Variants in VWC2L observed in about 807,000 individuals in gnomAD.
VWC2L encodes von Willebrand factor C domain-containing protein 2-like.
A neutral mutation model predicts 21.6 loss-of-function variants in VWC2L; 10 were observed. The ratio of observed to expected loss-of-function variants is 0.46; its 90% CI spans 0.29 to 0.78. VWC2L has a LOEUF of 0.78. Among genes scored for constraint, VWC2L ranks in the 30% least tolerant of loss-of-function variants. The pLI is 0.10. For missense variants in VWC2L, 209 were observed against 277.1 expected, an observed-to-expected ratio of 0.75 and a Z score of 1.74; for synonymous variants, 96 against 94.3, an observed-to-expected ratio of 1.02 and a Z score of -0.10.
intron 3 of VWC2L, among the ~76,000 whole-genome samples, chr2:214,445,923 C>T (rs1240091783): frequency 6.6e-6 from 1 of 152,122 alleles, no homozygotes; most frequent in Non-Finnish European, 1.5e-5. Context: ...CTTGACTTTT[C>T]AACACCTTTA....
chr2:214,492,349 A>G (rs955513565), intron 3 of VWC2L, among the ~76,000 whole-genome samples: 1 of 152,220 alleles, frequency 6.6e-6, no homozygotes, highest in East Asian at 1.9e-4. Context: ...AGAACTCCAC[A>G]GTTCATCAAC....
intron 2 of VWC2L, among the ~76,000 whole-genome samples, chr2:214,425,893 C>T (rs570452084): frequency 3.0e-4 from 46 of 152,082 alleles, no homozygotes; most frequent in East Asian, 2.3e-3. Flanking sequence ...GAATTCAGAT[C>T]GGGCACGGTG....
chr2:214,531,697 C>G (rs778252817), intron 3 of VWC2L, among the ~76,000 whole-genome samples: 2 of 152,132 alleles, frequency 1.3e-5, no homozygotes, highest in African/African-American at 2.4e-5. Context: ...AAAGCAATTT[C>G]TCATGTGACT....
chr2:214,568,614 A>G (rs1023044100), intron 3 of VWC2L, among the ~76,000 whole-genome samples: 3 of 152,062 alleles, frequency 2.0e-5, no homozygotes, highest in Non-Finnish European at 4.4e-5. Flanking sequence ...CTTTTTTAAA[A>G]CCATGAGATC....
At chr2:214,479,012 C>G (rs922337009) in intron 3 of VWC2L, among the ~76,000 whole-genome samples, 2 of 152,168 alleles carry the variant, frequency 1.3e-5, no homozygotes, top group Non-Finnish European at 2.9e-5. Context: ...CATGAGGGTT[C>G]AGGCAGAACA....
chr2:214,485,024 A>G (rs1183069845), intron 3 of VWC2L, among the ~76,000 whole-genome samples: 2 of 152,176 alleles, frequency 1.3e-5, no homozygotes, highest in Non-Finnish European at 2.9e-5. Context: ...TACCTTTAGA[A>G]GTCTGTATCT....
intron 2 of VWC2L, among the ~76,000 whole-genome samples, chr2:214,420,147 A>C (rs1335433745): frequency 6.6e-6 from 1 of 152,210 alleles, no homozygotes; most frequent in Non-Finnish European, 1.5e-5. Flanking sequence ...TGGATTTAGA[A>C]TTGATTTGCC....
chr2:214,486,312 T>C (rs1386014560), intron 3 of VWC2L, among the ~76,000 whole-genome samples: 3 of 152,242 alleles, frequency 2.0e-5, no homozygotes, highest in Non-Finnish European at 4.4e-5. Context: ...GAGTCCCGTA[T>C]TTATTGCTTA....
chr2:214,447,566 T>C (rs1702857080), intron 3 of VWC2L, among the ~76,000 whole-genome samples: 1 of 152,100 alleles, frequency 6.6e-6, no homozygotes, highest in Non-Finnish European at 1.5e-5. Context: ...CCCACCACCA[T>C]ACCCTGAACT....
intron 3 of VWC2L, among the ~76,000 whole-genome samples, chr2:214,560,440 T>C (rs966164330): frequency 5.9e-5 from 9 of 152,196 alleles, no homozygotes. Context: ...CCATGTCCCT[T>C]TCCCTGAGTG....
chr2:214,569,845 T>G (rs142249188), intron 3 of VWC2L, among the ~76,000 whole-genome samples: 1 of 152,276 alleles, frequency 6.6e-6, no homozygotes, highest in Non-Finnish European at 1.5e-5. Context: ...CTCCCCTTAA[T>G]GCAATCATGT....
At chr2:214,443,308 G>A (rs1702789398) in intron 3 of VWC2L, among the ~76,000 whole-genome samples, 1 of 152,030 alleles carries the variant, frequency 6.6e-6, no homozygotes, top group Admixed American at 6.6e-5. Context: ...GGAGGCAGAG[G>A]TTGCAGTGAG....
chr2:214,438,136 C>T (rs1307775387), intron 3 of VWC2L, among the ~76,000 whole-genome samples: 1 of 151,690 alleles, frequency 6.6e-6, no homozygotes, highest in African/African-American at 2.4e-5. Context: ...GGAAAAGATA[C>T]AAGAAAGAAC....
At chr2:214,480,951 C>T (rs539243522) in intron 3 of VWC2L, among the ~76,000 whole-genome samples, 1 of 148,100 alleles carries the variant, frequency 6.8e-6, no homozygotes, top group East Asian at 2.0e-4. Context: ...GTAATCTCTG[C>T]TGCAAAAGAT....
chr2:214,534,452 C>T (rs1689492736), intron 3 of VWC2L, among the ~76,000 whole-genome samples: 1 of 152,016 alleles, frequency 6.6e-6, no homozygotes, highest in Non-Finnish European at 1.5e-5. Context: ...TTTGCAAGCA[C>T]CTTCCACTTT....
chr2:214,504,866 T>C (rs1467244160), intron 3 of VWC2L, among the ~76,000 whole-genome samples: 1 of 152,190 alleles, frequency 6.6e-6, no homozygotes, highest in Non-Finnish European at 1.5e-5. Context: ...TGTTCCAGGA[T>C]GAAAGAGGAT....
At chr2:214,554,308 C>G (rs1415463665) in intron 3 of VWC2L, among the ~76,000 whole-genome samples, 2 of 152,046 alleles carry the variant, frequency 1.3e-5, no homozygotes, top group Non-Finnish European at 2.9e-5. Flanking sequence ...CTGAATGAAC[C>G]CCCTTCTCAG....
chr2:214,493,434 C>T (rs983830673), intron 3 of VWC2L, among the ~76,000 whole-genome samples: 1 of 152,146 alleles, frequency 6.6e-6, no homozygotes, highest in Non-Finnish European at 1.5e-5. Context: ...TGGCTAGACC[C>T]AGAGGCTCAC....
chr2:214,549,005 T>A (rs1183268438), intron 3 of VWC2L, among the ~76,000 whole-genome samples: 1 of 152,220 alleles, frequency 6.6e-6, no homozygotes, highest in Non-Finnish European at 1.5e-5. Context: ...GCAAGACTGC[T>A]GCATTTGTTC....
Sources: gnomAD v4.1 joint callset for allele counts (sites outside exome capture counted in the v4.1 genomes callset) on GRCh38, gnomAD v4.1.1 for gene constraint, MANE v1.5 for transcripts, NCBI Gene and HGNC (gene_info 2026-07-23, HGNC 2026-07-21) for gene names.